Variants in MAML1 observed in about 807,000 individuals in gnomAD.
MAML1 encodes mastermind like transcriptional coactivator 1.
MAML1 carries 14 observed loss-of-function variants against 77.1 expected under a neutral mutation model. The observed-to-expected ratio is 0.18, with a 90% CI of 0.12 to 0.28. The LOEUF (loss-of-function observed/expected upper bound fraction) is 0.28. Ranked by LOEUF, MAML1 falls within the 10% of genes least tolerant of loss-of-function variation. MAML1 has a pLI of 1.00. For synonymous variants in MAML1, 516 were observed against 551.9 expected, an observed-to-expected ratio of 0.93 and a Z score of 0.91; for missense variants, 1,217 against 1,327.8, an observed-to-expected ratio of 0.92 and a Z score of 1.30.
intron 1 of MAML1, among the ~76,000 whole-genome samples, chr5:179,758,085 G>T (rs1486004077): frequency 1.3e-5 from 2 of 152,170 alleles, no homozygotes; most frequent in Non-Finnish European, 2.9e-5. Context: ...GCAATTTCCT[G>T]TGAATGTATA....
At chr5:179,750,060 A>G (rs898410085) in intron 1 of MAML1, among the ~76,000 whole-genome samples, 11 of 152,250 alleles carry the variant, frequency 7.2e-5, no homozygotes, top group South Asian at 2.1e-4. Flanking sequence ...TGGAGCCTCC[A>G]TCCAGCAGGG....
intron 1 of MAML1, among the ~76,000 whole-genome samples, chr5:179,764,658 C>G (rs1233106182): frequency 1.4e-5 from 2 of 147,880 alleles, no homozygotes; most frequent in Non-Finnish European, 3.0e-5. Context: ...GAAACTCTGT[C>G]TCAAAAAAAA....
rs761759261 is a variant in MAML1, at chr5:179,774,185, G to A, written c.2359G>A (p.Val787Met). 11 of 1,613,338 alleles carry A rather than the reference G, an allele frequency of 6.8e-6. No homozygotes were observed. The highest frequency in any genetic ancestry group is 4.5e-5 in the East Asian group (2 of 44,896). The change falls in exon 5 of 5, where the codon GTG becomes ATG. Residue 787 changes from valine (V) to methionine (M), a missense_variant. By Grantham distance (21) the Val-to-Met change is conservative. Coordinates refer to ENST00000292599, the MANE Select transcript of MAML1 (RefSeq NM_014757.5). ...TGCCCACATTCCACGGCAGACCAAC[G>A]TGGGCCAGAACACCTCCGTCTCAGC... ...GHAHIPRQTN[V>M]GQNTSVSAAY...
chr5:179,766,540 G>A lies in MAML1; in HGVS notation c.1530G>A (p.Leu510=). ...CCGCGAATAACCAGGGGTCTGTGCT[G>A]GACTACGGCAATACAAAACCCCTTT... ...QNSANNQGSV[L]DYGNTKPLSH... The change falls in exon 2 of 5, where the codon CTG becomes CTA. Residue 510 remains leucine (L), a synonymous_variant. Transcript: ENST00000292599. This position sits in a 1 kb window ranked among gnomAD's most constrained non-coding sequence, Gnocchi z 4.0. 1 of 1,605,292 alleles carries A rather than the reference G, an allele frequency of 6.2e-7. No homozygotes were observed. Among genetic ancestry groups the A allele is most frequent in the South Asian group, 1.1e-5 (1 of 90,154 alleles).
rs1313691689 is a variant in MAML1, at chr5:179,771,004, A to G, written c.1972-143A>G. On this transcript the variant is annotated intron_variant, in intron 3 of 4. Coordinates refer to ENST00000292599, the MANE Select transcript of MAML1 (RefSeq NM_014757.5). The surrounding 1 kb of genome is among the most constrained non-coding windows in gnomAD (Gnocchi z 4.7). ...TGTTTCATACTATTTAAAAACCCCA[A>G]AATGAAATCAGCACTATTTCCACAG... 3.1e-6 allele frequency: 2 copies of G among 636,186 alleles called. No individual in the cohort carries two copies. The highest frequency in any genetic ancestry group is 3.6e-5 in the African/African-American group (2 of 54,890). The allele number at this position is 636,186 out of a possible 1,614,324, so 39.4% of individuals were successfully genotyped here. A position where few individuals can be genotyped will look rare whatever the true frequency, so the allele number is the denominator to read the frequency against.
chr5:179,748,177 G>C (rs1779418151), intron 1 of MAML1, among the ~76,000 whole-genome samples: 1 of 152,112 alleles, frequency 6.6e-6, no homozygotes, highest in African/African-American at 2.4e-5. Context: ...CTACCTCCTG[G>C]ATTCAAGCGA....
chr5:179,732,906 G>A lies in MAML1; in HGVS notation c.-207G>A. 3.5e-6 allele frequency: 1 copy of A among 281,916 alleles called. No individual in the cohort carries two copies. Among genetic ancestry groups the A allele is most frequent in the Middle Eastern group, 1.0e-3 (1 of 1,000 alleles). 17.5% of individuals were successfully genotyped at this position (281,916 alleles called of 1,614,324 possible). On this transcript the variant is annotated 5_prime_UTR_variant, in exon 1 of 5. Transcript: ENST00000292599. ...GCCGGGGCGGTGGGGAGAGGCCGAG[G>A]CTTGAGGTAGGCAGCAAGCGCCGGC...
intron 1 of MAML1, among the ~76,000 whole-genome samples, chr5:179,752,604 T>C (rs1465628911): frequency 8.3e-6 from 1 of 119,844 alleles, no homozygotes; most frequent in Non-Finnish European, 1.7e-5. Flanking sequence ...TACTCTTTTT[T>C]TTTTTTTTTT....
intron 1 of MAML1, among the ~76,000 whole-genome samples, chr5:179,741,298 C>T (rs565999925): frequency 3.7e-4 from 56 of 152,272 alleles, no homozygotes; most frequent in African/African-American, 1.3e-3. Flanking sequence ...GCAGATGATA[C>T]ACAGGTCATT....
rs1335353855 is a variant in MAML1, at chr5:179,766,438, G to T, written c.1428G>T (p.Arg476=). ...CTAGTGTGAATAAGAGTTCCCCTCG[G>T]CCCGGAGGCCCCTACCTCCAGCCCA... ...MMPSVNKSSP[R]PGGPYLQPSH... is the part of the protein sequence containing the mutation. Residue 476 remains arginine, a synonymous_variant, in exon 2 of 5, where the codon CGG becomes CGT. Coordinates refer to ENST00000292599, the MANE Select transcript of MAML1 (RefSeq NM_014757.5). The surrounding 1 kb of genome is among the most constrained non-coding windows in gnomAD (Gnocchi z 4.0). 1 of 1,612,652 alleles carries T rather than the reference G, an allele frequency of 6.2e-7. No homozygotes were observed. The highest frequency in any genetic ancestry group is 8.5e-7 in the Non-Finnish European group (1 of 1,179,320).
intron 1 of MAML1, among the ~76,000 whole-genome samples, chr5:179,760,902 T>C (rs1328665053): frequency 6.6e-6 from 1 of 151,786 alleles, no homozygotes; most frequent in East Asian, 1.9e-4. Context: ...CCATCCTGGC[T>C]AACACAGTGA....
rs373039830 is a variant in MAML1, at chr5:179,766,671, A to G, written c.1661A>G (p.Gln554Arg). The change falls in exon 2 of 5, where the codon CAG becomes CGG. Residue 554 changes from glutamine to arginine, a missense_variant. By Grantham distance (43) the Gln-to-Arg change is conservative. Coordinates refer to ENST00000292599, the MANE Select transcript of MAML1 (RefSeq NM_014757.5). This position sits in a 1 kb window ranked among gnomAD's most constrained non-coding sequence, Gnocchi z 4.0. ...CAGCTGTCCCATATAAGTCACGAGC[A>G]GAACTCCCTGTTTCTGATGAAGCCA... Reference protein sequence around the residue: ...PQQLSHISHEQNSLFLMKPKP... With the variant: ...PQQLSHISHERNSLFLMKPKP... The G allele has an allele frequency of 6.9e-6, 11 of 1,603,890 alleles. No individual in the cohort carries two copies. In the African/African-American group the frequency reaches 1.2e-4, roughly 18 times the overall value.
intron 1 of MAML1, among the ~76,000 whole-genome samples, chr5:179,742,167 C>G (rs1016856343): frequency 5.9e-5 from 9 of 151,612 alleles, no homozygotes; most frequent in African/African-American, 2.2e-4. Context: ...GCCACCGCAC[C>G]TGGCCAACAA....
Position 179,773,986 on chromosome 5 carries a change from A to G in MAML1, c.2160A>G (p.Pro720=). ...RVFPQAGNLM[P]MGPGHASVSS... is the part of the protein sequence containing the mutation. ...TCCCTCAGGCTGGGAATCTGATGCC[A>G]ATGGGCCCTGGACATGCTTCAGTTT... The change falls in exon 5 of 5, where the codon CCA becomes CCG. Residue 720 remains proline, a synonymous_variant. Coordinates refer to ENST00000292599, the MANE Select transcript of MAML1 (RefSeq NM_014757.5). The G allele has an allele frequency of 1.9e-6, 3 of 1,614,204 alleles. No individual in the cohort carries two copies. Among genetic ancestry groups the G allele is most frequent in the East Asian group, 2.2e-5 (1 of 44,888 alleles).
At chr5:179,744,088 C>T (rs1411215323) in intron 1 of MAML1, among the ~76,000 whole-genome samples, 8 of 152,100 alleles carry the variant, frequency 5.3e-5, no homozygotes, top group Non-Finnish European at 1.0e-4. Flanking sequence ...ACACTTAGCC[C>T]ACATAATATG....
chr5:179,736,790 C>T (rs373389267), intron 1 of MAML1, among the ~76,000 whole-genome samples: 61 of 151,464 alleles, frequency 4.0e-4, no homozygotes, highest in Non-Finnish European at 7.7e-4. Flanking sequence ...GGTGAAACCC[C>T]GTCTCTACTA....
intron 1 of MAML1, among the ~76,000 whole-genome samples, chr5:179,764,647 C>T (rs377495831): frequency 9.3e-4 from 135 of 145,388 alleles, no homozygotes; most frequent in African/African-American, 3.2e-3. Context: ...GCAACAAGAG[C>T]GAAACTCTGT....
intron 1 of MAML1, among the ~76,000 whole-genome samples, chr5:179,743,302 T>A (rs1407695696): frequency 1.3e-5 from 2 of 149,896 alleles, no homozygotes; most frequent in Non-Finnish European, 3.0e-5. Context: ...TCCGCCTGCC[T>A]CCGCCTCCCA....
At chr5:179,734,782 T>C (rs1370254032) in intron 1 of MAML1, among the ~76,000 whole-genome samples, 1 of 152,122 alleles carries the variant, frequency 6.6e-6, no homozygotes, top group Non-Finnish European at 1.5e-5. Flanking sequence ...CGCCTCAGCC[T>C]CCTGAGTAAC....
Sources: allele counts gnomAD v4.1 joint callset (sites outside exome capture counted in the v4.1 genomes callset), GRCh38; gene constraint gnomAD v4.1.1; non-coding constraint Gnocchi (gnomAD v3.1); transcripts MANE v1.5; gene names NCBI Gene and HGNC (gene_info 2026-07-23, HGNC 2026-07-21).